PDE4A: variants seen among roughly 807,000 people sequenced by gnomAD.
PDE4A encodes phosphodiesterase 4A.
In PDE4A, 21 loss-of-function variants were observed where a neutral mutation model predicts 73.9. That is an observed-to-expected ratio of 0.28 (90% CI 0.20 to 0.41). The LOEUF is 0.41. Among genes scored for constraint, PDE4A ranks in the 10% least tolerant of loss-of-function variants. PDE4A has a pLI of 1.00. For synonymous variants in PDE4A, 463 were observed against 505.4 expected (o/e 0.92, Z 1.13); for missense variants, 958 against 1,211.4 (o/e 0.79, Z 3.10).
At position 10,450,645 on chromosome 19, in the gene PDE4A, G is replaced by T. The variant is rs767593480; in HGVS notation, c.663G>T (p.Thr221=). ...LGGPTPVCKA[T]LSEETCQQLA... is the part of the protein sequence containing the mutation. ...GCCCCACCCCTGTCTGCAAGGCCAC[G>T]CTGTCAGGTAGCTAAGCCCAGAGGG... The change falls in exon 5 of 15, where the codon ACG becomes ACT. Residue 221 remains threonine, a synonymous_variant. Coordinates refer to ENST00000380702, the MANE Select transcript of PDE4A (RefSeq NM_001111307.2). 1.2e-5 allele frequency: 20 copies of T among 1,609,290 alleles called. No homozygotes were observed. The highest frequency in any genetic ancestry group is 1.7e-5 in the Non-Finnish European group (20 of 1,178,488).
intron 1 of PDE4A, among the ~76,000 whole-genome samples, chr19:10,430,631 C>T (rs2145467571): frequency 6.6e-6 from 1 of 152,020 alleles, no homozygotes; most frequent in South Asian, 2.1e-4. Context: ...ACGCGGGCGG[C>T]TTTGGGGTCT....
intron 10 of PDE4A, chr19:10,460,798 C>CAA (rs34675916): frequency 3.3e-4 from 34 of 103,404 alleles, no homozygotes; most frequent in Non-Finnish European, 5.7e-4. Context: ...AACTCTGTCT[C>CAA]AAAAAAAAAA....
chr19:10,451,357 G>A (rs979221022), intron 6 of PDE4A, among the ~76,000 whole-genome samples: 13 of 152,152 alleles, frequency 8.5e-5, no homozygotes, highest in African/African-American at 3.1e-4. Context: ...TGTGGGGTGG[G>A]GTGTGTCTGT....
chr19:10,420,848 T>C lies in PDE4A; in HGVS notation c.84T>C (p.Pro28=). 3 of 1,588,812 alleles carry C rather than the reference T, an allele frequency of 1.9e-6. No individual in the cohort carries two copies. Among genetic ancestry groups the C allele is most frequent in the African/African-American group, 1.4e-5 (1 of 73,336 alleles). The change falls in exon 1 of 15, where the codon CCT becomes CCC. Residue 28 remains proline, a synonymous_variant. Transcript: ENST00000380702. The surrounding 1 kb of genome is among the most constrained non-coding windows in gnomAD (Gnocchi z 6.0). ...GGGAGGGCCAGGCCACCCTGAAGCC[T>C]CCCCCGCAGCACCTGTGGCGGCAGC... The part of the protein sequence containing the change: ...GPREGQATLK[P]PPQHLWRQPR...
At chr19:10,459,536 C>T (rs775662328) in intron 9 of PDE4A, 38 bp downstream of exon 9, 1 of 1,611,352 alleles carries the variant, frequency 6.2e-7, no homozygotes, top group East Asian at 2.2e-5. Flanking sequence ...GGGTGAGGGG[C>T]TCATAGCGGG....
chr19:10,442,017 C>T (rs1281059652), intron 1 of PDE4A, among the ~76,000 whole-genome samples: 1 of 151,970 alleles, frequency 6.6e-6, no homozygotes, highest in Non-Finnish European at 1.5e-5. Flanking sequence ...ATGTGGTCCA[C>T]CTCTTCAGTT....
upstream of PDE4A, chr19:10,416,933 G>C (rs2042593484): frequency 6.5e-7 from 1 of 1,541,380 alleles, no homozygotes; most frequent in South Asian, 1.2e-5. Context: ...CGGCGCGCTA[G>C]GTTGGCGAGA....
At chr19:10,432,139 A>T (rs971597705) in intron 1 of PDE4A, among the ~76,000 whole-genome samples, 1 of 119,278 alleles carries the variant, frequency 8.4e-6, no homozygotes, top group Non-Finnish European at 1.7e-5. Flanking sequence ...GGGAAACCGG[A>T]GCCCCGGGGC....
In PDE4A at chr19:10,463,945, C is replaced by T. The variant is rs1214088332; in HGVS notation, c.1896C>T (p.Asp632=). The T allele has an allele frequency of 3.1e-6, 5 of 1,614,008 alleles. No individual in the cohort carries two copies. The highest frequency in any genetic ancestry group is 1.3e-5 in the African/African-American group (1 of 74,928). The change falls in exon 14 of 15, where the codon GAC becomes GAT. Residue 632 remains aspartate, a synonymous_variant. Coordinates refer to ENST00000380702, the MANE Select transcript of PDE4A (RefSeq NM_001111307.2). The stretch of plus-strand genomic sequence containing the variant: ...GCATGGAAATCAGCCCCATGTGTGA[C>T]AAGCACACTGCCTCCGTGGAGAAGT... ...ERGMEISPMC[D]KHTASVEKSQ...
intron 13 of PDE4A, 87 bp downstream of exon 13, chr19:10,462,086 C>A: frequency 9.4e-7 from 1 of 1,068,036 alleles, no homozygotes; most frequent in Non-Finnish European, 1.4e-6. Context: ...CCTTCCTCAG[C>A]CTCTTTCTCC....
chr19:10,446,431 T>G (rs753103965), intron 2 of PDE4A, 22 bp downstream of exon 2: 2 of 1,596,720 alleles, frequency 1.3e-6, no homozygotes, highest in Non-Finnish European at 1.7e-6. Context: ...TCTCCCCACA[T>G]GCCAGTTCCC....
At chr19:10,440,109 C>G (rs1332258447) in intron 1 of PDE4A, among the ~76,000 whole-genome samples, 1 of 151,290 alleles carries the variant, frequency 6.6e-6, no homozygotes, top group Non-Finnish European at 1.5e-5. Flanking sequence ...CTCAGCCTCC[C>G]AAGTACCTGG....
chr19:10,446,109 G>A, intron 1 of PDE4A, 109 bp from the exon 2 acceptor site: 2 of 1,459,870 alleles, frequency 1.4e-6, no homozygotes, highest in Non-Finnish European at 1.8e-6. Context: ...AAAGTGCTGG[G>A]ATTACAGGCA....
upstream of PDE4A, chr19:10,418,900 G>A (rs950711611): frequency 1.0e-6 from 1 of 984,634 alleles, no homozygotes; most frequent in Non-Finnish European, 1.2e-6. Flanking sequence ...TGTGTAATGG[G>A]GGGGGTGTTC....
At position 10,420,561 on chromosome 19, in the gene PDE4A, A is replaced by G. The variant is rs1192475569; in HGVS notation, c.-204A>G. 10 of 1,233,092 alleles carry G rather than the reference A, an allele frequency of 8.1e-6. No homozygotes were observed. The African/African-American group carries it at 1.6e-4, about 20-fold the overall frequency. The allele number at this position is 1,233,092 out of a possible 1,614,324, so 76.4% of individuals were successfully genotyped here. ...GAGAGCGCCGCCGGGCACTGAGCAG[A>G]GCTCCAGGCGCCGAAAGGAAGCTGC... On this transcript the variant is annotated 5_prime_UTR_variant, in exon 1 of 15. Transcript: ENST00000380702. This position sits in a 1 kb window ranked among gnomAD's most constrained non-coding sequence, Gnocchi z 6.0.
upstream of PDE4A, chr19:10,420,230 C>T: frequency 9.2e-6 from 2 of 217,256 alleles, no homozygotes; most frequent in Non-Finnish European, 1.6e-5. The surrounding 1 kb of genome is among the most constrained non-coding windows in gnomAD (Gnocchi z 6.0). Context: ...GACACTCTGG[C>T]AACCAGTCCG....
intron 8 of PDE4A, 31 bp from the exon 9 acceptor site, chr19:10,459,369 G>A: frequency 6.2e-7 from 1 of 1,614,132 alleles, no homozygotes; most frequent in Non-Finnish European, 8.5e-7. Flanking sequence ...AGCCTTACAG[G>A]CTTCTGACCT....
chr19:10,437,114 A>T (rs2042875337), intron 1 of PDE4A, among the ~76,000 whole-genome samples: 1 of 152,132 alleles, frequency 6.6e-6, no homozygotes, highest in South Asian at 2.1e-4. Context: ...ATCTCACCTT[A>T]AGAACCTTAA....
chr19:10,459,319 C>G, intron 8 of PDE4A, 81 bp from the exon 9 acceptor site: 3 of 1,601,436 alleles, frequency 1.9e-6, no homozygotes, highest in Non-Finnish European at 2.6e-6. Context: ...TCCTTCAGAC[C>G]AAGGCTTCAA....
Sources: gnomAD v4.1 joint callset for allele counts (sites outside exome capture counted in the v4.1 genomes callset) on GRCh38, gnomAD v4.1.1 for gene constraint, Gnocchi (gnomAD v3.1) non-coding constraint, MANE v1.5 for transcripts, NCBI Gene and HGNC (gene_info 2026-07-23, HGNC 2026-07-21) for gene names.